The following RAB6B variants were observed in gnomAD, a reference collection of about 807,000 sequenced individuals.
RAB6B encodes the protein RAB6B, member RAS oncogene family, also known as ras-related protein Rab-6B.
RAB6B carries 7 observed loss-of-function variants against 31.2 expected under a neutral mutation model. The observed-to-expected ratio is 0.22, with a 90% CI of 0.13 to 0.42. RAB6B has a LOEUF of 0.42. Among genes scored for constraint, RAB6B ranks in the 10% least tolerant of loss-of-function variants. RAB6B has a pLI of 1.00. For missense variants in RAB6B, 149 were observed against 280.6 expected (o/e 0.53, Z 3.35); for synonymous variants, 105 against 104.9 (o/e 1.00, Z -0.01).
intron 1 of RAB6B, among the ~76,000 whole-genome samples, chr3:133,890,164 G>A (rs1936617757): frequency 6.6e-6 from 1 of 152,232 alleles, no homozygotes; most frequent in Non-Finnish European, 1.5e-5. Flanking sequence ...GTCAAAGTGA[G>A]CTCTGGCAAG....
rs961341793 is a variant in RAB6B at position 133,895,539 on chromosome 3, C to CG, written c.-74dup. 6.7e-7 allele frequency: 1 copy of CG among 1,490,242 alleles called. No homozygotes were observed. The highest frequency in any genetic ancestry group is 1.4e-5 in the African/African-American group (1 of 71,628). The allele number at this position is 1,490,242 out of a possible 1,614,324, so 92.3% of individuals were successfully genotyped here. A position where few individuals can be genotyped will look rare whatever the true frequency, so the allele number is the denominator to read the frequency against. On this transcript the variant is annotated 5_prime_UTR_variant, in exon 1 of 8. Coordinates refer to ENST00000285208, the MANE Select transcript of RAB6B (RefSeq NM_016577.4). ...GAGCAGGGAGGGGAGAGTAGGAGGG[C>CG]GAGGGGAGGCGGCCGGCGGTGCGGG...
At chr3:133,865,397 C>T (rs1224843026) in intron 1 of RAB6B, among the ~76,000 whole-genome samples, 1 of 152,252 alleles carries the variant, frequency 6.6e-6, no homozygotes, top group Non-Finnish European at 1.5e-5. Context: ...GCTAATTTCC[C>T]AAATTGTAGA....
chr3:133,877,138 T>C (rs1384554313), intron 1 of RAB6B, among the ~76,000 whole-genome samples: 4 of 152,020 alleles, frequency 2.6e-5, no homozygotes, highest in Non-Finnish European at 5.9e-5. Flanking sequence ...GGGACCCAGG[T>C]GAAACCCACT....
intron 4 of RAB6B, among the ~76,000 whole-genome samples, chr3:133,840,857 A>G (rs1576395054): frequency 6.6e-6 from 1 of 152,268 alleles, no homozygotes; most frequent in South Asian, 2.1e-4. Context: ...GGAGTCCTGC[A>G]CCCACAGCTG....
intron 1 of RAB6B, among the ~76,000 whole-genome samples, chr3:133,889,656 G>A (rs1015305070): frequency 4.0e-5 from 6 of 151,626 alleles, no homozygotes; most frequent in African/African-American, 1.5e-4. Context: ...GGCTGGTCTC[G>A]AACTCCTGAC....
At position 133,834,644 on chromosome 3, in the gene RAB6B, G is replaced by A. The variant is rs760415888; in HGVS notation, c.496-3C>T. 14 of 1,613,876 alleles carry A rather than the reference G, an allele frequency of 8.7e-6. 1 individual carries two copies. In the South Asian group the frequency reaches 1.5e-4, roughly 18 times the overall value. On this transcript the variant is annotated splice_region_variant and splice_polypyrimidine_tract_variant and intron_variant, in intron 6 of 7. Coordinates refer to ENST00000285208, the MANE Select transcript of RAB6B (RefSeq NM_016577.4). ...GCCGACGCCACACGTCGAAAAAGCT[G>A]GAAAGATGAAGAAATGCAGTGTGAA... is the stretch of plus-strand genomic sequence containing the variant.
chr3:133,882,133 C>T (rs1160419115), intron 1 of RAB6B, among the ~76,000 whole-genome samples: 2 of 152,152 alleles, frequency 1.3e-5, no homozygotes, highest in Non-Finnish European at 2.9e-5. Flanking sequence ...CTTCCCCCCA[C>T]GGGCTGCTCT....
At chr3:133,886,896 C>A (rs1173541022) in intron 1 of RAB6B, among the ~76,000 whole-genome samples, 2 of 152,154 alleles carry the variant, frequency 1.3e-5, no homozygotes, top group Non-Finnish European at 2.9e-5. Flanking sequence ...AGGTAATGAT[C>A]AACTTCCTGC....
chr3:133,887,439 C>G (rs1428565184), intron 1 of RAB6B, among the ~76,000 whole-genome samples: 2 of 152,212 alleles, frequency 1.3e-5, no homozygotes, highest in Non-Finnish European at 2.9e-5. Flanking sequence ...GGACCCAGGA[C>G]AGTTCTGGGG....
chr3:133,895,528 G>C lies in RAB6B; in HGVS notation c.-62C>G. ...AAAAAGCGAAGGAGCAGGGAGGGGA[G>C]AGTAGGAGGGCGAGGGGAGGCGGCC... On this transcript the variant is annotated 5_prime_UTR_variant, in exon 1 of 8. Transcript: ENST00000285208. 6.4e-7 allele frequency: 1 copy of C among 1,558,774 alleles called. No individual in the cohort carries two copies. The highest frequency in any genetic ancestry group is 8.8e-7 in the Non-Finnish European group (1 of 1,135,656).
chr3:133,828,053 C>T lies in RAB6B; in HGVS notation c.*735G>A. ...CACAGAGAACACAAGGTTGCCTGTA[C>T]CCTCAACCCCCTTCAAGGCTTTTCA... On this transcript the variant is annotated 3_prime_UTR_variant, in exon 8 of 8. Transcript: ENST00000285208. The T allele has an allele frequency of 1.4e-6, 1 of 696,850 alleles. No individual in the cohort carries two copies. Among genetic ancestry groups the T allele is most frequent in the Non-Finnish European group, 2.6e-6 (1 of 381,276 alleles). The allele number at this position is 696,850 out of a possible 1,614,324, so 43.2% of individuals were successfully genotyped here.
chr3:133,864,220 C>A (rs1163588845), intron 2 of RAB6B, among the ~76,000 whole-genome samples: 1 of 151,512 alleles, frequency 6.6e-6, no homozygotes. Flanking sequence ...CCATTACAAC[C>A]ATGCATGAGG....
At chr3:133,879,135 G>A (rs1360587258) in intron 1 of RAB6B, among the ~76,000 whole-genome samples, 1 of 152,198 alleles carries the variant, frequency 6.6e-6, no homozygotes, top group Non-Finnish European at 1.5e-5. Context: ...GAATTGTTAT[G>A]AATTCTATGA....
At chr3:133,875,998 G>GT (rs997009058) in intron 1 of RAB6B, among the ~76,000 whole-genome samples, 3 of 152,092 alleles carry the variant, frequency 2.0e-5, no homozygotes, top group Non-Finnish European at 4.4e-5. Flanking sequence ...ATTTGAAAAC[G>GT]TAATTATTTA....
intron 1 of RAB6B, among the ~76,000 whole-genome samples, chr3:133,877,705 A>G (rs1936415001): frequency 1.3e-5 from 2 of 151,012 alleles, no homozygotes; most frequent in African/African-American, 4.8e-5. Context: ...GAGATGTTAT[A>G]ATTAGCAGAT....
At chr3:133,831,101 A>C (rs1280833659) in intron 7 of RAB6B, among the ~76,000 whole-genome samples, 2 of 152,274 alleles carry the variant, frequency 1.3e-5, no homozygotes, top group Admixed American at 1.3e-4. Flanking sequence ...AAACAATCTC[A>C]TGCGCAATTT....
rs180672691 is a variant in RAB6B at position 133,827,568 on chromosome 3, A to G, written c.*1220T>C. The G allele has an allele frequency of 7.2e-4, 214 of 296,538 alleles. No homozygotes were observed. Among genetic ancestry groups the G allele is most frequent in the Non-Finnish European group, 1.1e-3 (172 of 158,842 alleles). 18.4% of individuals were successfully genotyped at this position (296,538 alleles called of 1,614,324 possible). ...GAGACCCCACCTGAACCACATCCTCAGGTGACCACAGCGCAGCCACAGTAG... is the reference window on the plus strand; with the variant it reads ...GAGACCCCACCTGAACCACATCCTCGGGTGACCACAGCGCAGCCACAGTAG... On this transcript the variant is annotated 3_prime_UTR_variant, in exon 8 of 8. Transcript: ENST00000285208.
At chr3:133,835,513 T>G (rs945862465) in intron 6 of RAB6B, among the ~76,000 whole-genome samples, 1 of 150,814 alleles carries the variant, frequency 6.6e-6, no homozygotes, top group Non-Finnish European at 1.5e-5. Context: ...TTTGGGCAGG[T>G]GTGGGTGGCA....
At chr3:133,876,463 T>C (rs192139095) in intron 1 of RAB6B, among the ~76,000 whole-genome samples, 2 of 152,200 alleles carry the variant, frequency 1.3e-5, no homozygotes, top group African/African-American at 2.4e-5. Flanking sequence ...CTCTCTCTTA[T>C]TCACAACTAC....
Sources: allele counts gnomAD v4.1 joint callset (sites outside exome capture counted in the v4.1 genomes callset), GRCh38; gene constraint gnomAD v4.1.1; transcripts MANE v1.5; gene names NCBI Gene and HGNC (gene_info 2026-07-23, HGNC 2026-07-21).